Variants in COX18 observed in about 807,000 individuals in gnomAD.
COX18 encodes the protein cytochrome c oxidase assembly factor COX18, also known as cytochrome c oxidase assembly protein COX18, mitochondrial.
In COX18, 45 loss-of-function variants were observed where a neutral mutation model predicts 38.0. The ratio of observed to expected loss-of-function variants is 1.18; its 90% confidence interval spans 0.93 to 1.52. COX18 has a LOEUF of 1.52. Ranked by LOEUF, COX18 falls within the 40% of genes most tolerant of loss-of-function variation. The pLI, the probability that COX18 is intolerant of heterozygous loss-of-function variation, is 0.00. For synonymous variants in COX18, 177 were observed against 169.8 expected (o/e 1.04, Z -0.33); for missense variants, 462 against 423.8 (o/e 1.09, Z -0.79).
At chr4:73,064,724 G>A in intron 4 of COX18, 54 bp downstream of exon 4, 1 of 1,589,470 alleles carries the variant, frequency 6.3e-7, no homozygotes, top group Non-Finnish European at 8.6e-7. Context: ...AGTCAAAACA[G>A]CAGCAACAAA....
chr4:73,068,247 G>T (rs1405278647), intron 1 of COX18, 118 bp from the exon 2 acceptor site: 1 of 639,282 alleles, frequency 1.6e-6, no homozygotes, highest in Non-Finnish European at 2.6e-6. Flanking sequence ...ATCATATCAA[G>T]AAATCTTAAT....
At position 73,056,666 on chromosome 4, in the gene COX18, G is replaced by C. The variant is rs922046258; in HGVS notation, c.*1448C>G. 6.6e-6 allele frequency: 1 copy of C among 152,074 alleles called. No homozygotes were observed. The highest frequency in any genetic ancestry group is 2.4e-5 in the African/African-American group (1 of 41,400). 9.4% of individuals were successfully genotyped at this position (152,074 alleles called of 1,614,324 possible). A position where few individuals can be genotyped will look rare whatever the true frequency, so the allele number is the denominator to read the frequency against. The stretch of plus-strand genomic sequence containing the variant: ...CTCAAGATCAATGTATGTTCCATTA[G>C]AATAAGATTTATTAACTAGGAATTG... On this transcript the variant is annotated 3_prime_UTR_variant, in exon 6 of 6. Coordinates refer to ENST00000507544, the MANE Select transcript of COX18 (RefSeq NM_001297732.2).
rs749038611 is a variant in COX18, at chr4:73,068,052, C to A, written c.411G>T (p.Leu137Phe). 61 of 1,610,540 alleles carry A rather than the reference C, an allele frequency of 3.8e-5. No homozygotes were observed. The highest frequency in any genetic ancestry group is 5.1e-5 in the Non-Finnish European group (60 of 1,178,732). The change falls in exon 2 of 6, where the codon TTG becomes TTT. Residue 137 changes from leucine (L) to phenylalanine (F), a missense_variant. Physicochemically the swap from Leu to Phe is conservative, Grantham distance 22. Coordinates refer to ENST00000507544, the MANE Select transcript of COX18 (RefSeq NM_001297732.2). ...ACCTGGCATCTCTTTTGGACCACCCCAACTGATTTGCACGAACTGCAACTT... is the reference window on the plus strand; with the variant it reads ...ACCTGGCATCTCTTTTGGACCACCCAAACTGATTTGCACGAACTGCAACTT... The part of the protein sequence containing the change: ...NQEVAVRANQ[L>F]GWSKRDARLT...
In COX18 at chr4:73,055,721, A is replaced by G. The variant is rs973087654; in HGVS notation, c.*2393T>C. 1 of 152,224 alleles carries G rather than the reference A, an allele frequency of 6.6e-6. No individual in the cohort carries two copies. Among genetic ancestry groups the G allele is most frequent in the African/African-American group, 2.4e-5 (1 of 41,474 alleles). The allele number at this position is 152,224 out of a possible 1,614,324, so 9.4% of individuals were successfully genotyped here. On this transcript the variant is annotated 3_prime_UTR_variant, in exon 6 of 6. Coordinates refer to ENST00000507544, the MANE Select transcript of COX18 (RefSeq NM_001297732.2). ...TCACTTCTGTTGGGAGGTGACTCAC[A>G]TTTTTGCCTACAAATGGCTCAAAAG... is the stretch of plus-strand genomic sequence containing the variant.
rs1253513728 is a variant in COX18, at chr4:73,064,627, G to A, written c.723+151C>T. 2.8e-5 allele frequency: 23 copies of A among 809,418 alleles called. No homozygotes were observed. In the South Asian group the frequency reaches 3.9e-4, roughly 14 times the overall value. 50.1% of individuals were successfully genotyped at this position (809,418 alleles called of 1,614,324 possible). On this transcript the variant is annotated intron_variant, in intron 4 of 5. Coordinates refer to ENST00000507544, the MANE Select transcript of COX18 (RefSeq NM_001297732.2). ...CAGAGAGGTTAAGGGACAGGCCTAA[G>A]CCAATGCCTGACGTGGAACCAGGAA...
rs769634143 is a variant in COX18, at chr4:73,064,253, C to CAA, written c.723+523_723+524dup. On this transcript the variant is annotated intron_variant, in intron 4 of 5. Coordinates refer to ENST00000507544, the MANE Select transcript of COX18 (RefSeq NM_001297732.2). The stretch of plus-strand genomic sequence containing the variant: ...GGGCAACAAGAGCAAAACTCCATCT[C>CAA]AAAAAAAAAAGAAAAAAAAAGACAT... Among the ~76,000 whole-genome samples, 23 of 146,824 alleles carry CAA rather than the reference C, an allele frequency of 1.6e-4. 1 individual carries two copies. The highest frequency in any genetic ancestry group is 5.8e-4 in the African/African-American group (23 of 39,846).
At position 73,068,009 on chromosome 4, in the gene COX18, C is replaced by A; in HGVS notation, c.434+20G>T. ...GTGTGTATGTGTGCGTATGGTCTTA[C>A]GTGGATATAATTAGCTTACCTGGCA... On this transcript the variant is annotated intron_variant, in intron 2 of 5. Transcript: ENST00000507544. The A allele has an allele frequency of 6.8e-7, 1 of 1,468,884 alleles. No homozygotes were observed. The highest frequency in any genetic ancestry group is 2.3e-5 in the East Asian group (1 of 42,874). The allele number at this position is 1,468,884 out of a possible 1,614,324, so 91.0% of individuals were successfully genotyped here.
chr4:73,064,639 C>A (rs752065001), intron 4 of COX18, 139 bp downstream of exon 4: 10 of 942,640 alleles, frequency 1.1e-5, no homozygotes, highest in Non-Finnish European at 1.6e-5. Flanking sequence ...CAATGCCTGA[C>A]GTGGAACCAG....
rs1043052575 is a variant in COX18, at chr4:73,056,000, T to C, written c.*2114A>G. 1.3e-5 allele frequency: 2 copies of C among 152,174 alleles called. No individual in the cohort carries two copies. The highest frequency in any genetic ancestry group is 4.8e-5 in the African/African-American group (2 of 41,438). 9.4% of individuals were successfully genotyped at this position (152,174 alleles called of 1,614,324 possible). A position where few individuals can be genotyped will look rare whatever the true frequency, so the allele number is the denominator to read the frequency against. ...AATTCTTACCTCTGTATGCTGTACA[T>C]TTTTTCTATTAAAAAATGTCATAAC... On this transcript the variant is annotated 3_prime_UTR_variant, in exon 6 of 6. Transcript: ENST00000507544.
intron 5 of COX18, 32 bp downstream of exon 5, chr4:73,061,780 CA>C (rs1560471405): frequency 8.3e-7 from 1 of 1,208,258 alleles, no homozygotes; most frequent in East Asian, 2.4e-5. Context: ...GAGGATTTAG[CA>C]CATGCTACAC....
chr4:73,069,059 C>G (rs1000220295), intron 1 of COX18, among the ~76,000 whole-genome samples: 1 of 152,208 alleles, frequency 6.6e-6, no homozygotes, highest in African/African-American at 2.4e-5. Context: ...GTATAGTAAC[C>G]ACTTGTGCTT....
intron 1 of COX18, 96 bp downstream of exon 1, chr4:73,069,221 G>A (rs1370269825): frequency 1.1e-6 from 1 of 885,610 alleles, no homozygotes; most frequent in Admixed American, 2.9e-5. Flanking sequence ...ACTGCAGAAG[G>A]CAACATCGTG....
At chr4:73,060,202 A>G (rs946400837) in intron 5 of COX18, among the ~76,000 whole-genome samples, 4 of 152,192 alleles carry the variant, frequency 2.6e-5, no homozygotes, top group African/African-American at 9.6e-5. Flanking sequence ...CAGATTTCCT[A>G]TAATTGACAG....
chr4:73,063,312 A>AAAAC (rs142907172), intron 4 of COX18, among the ~76,000 whole-genome samples: 13,942 of 151,972 alleles, frequency 0.092, 2,027 homozygotes, highest in African/African-American at 0.31. Flanking sequence ...TCTCAAGAAA[A>AAAAC]AAACAAACAA....
chr4:73,062,291 G>C (rs1237929933), intron 4 of COX18, among the ~76,000 whole-genome samples: 3 of 151,940 alleles, frequency 2.0e-5, no homozygotes, highest in Non-Finnish European at 4.4e-5. Context: ...CCAGAAGTTT[G>C]AGGCTACAGT....
intron 4 of COX18, among the ~76,000 whole-genome samples, chr4:73,062,392 T>C (rs548088191): frequency 2.6e-5 from 4 of 151,778 alleles, no homozygotes; most frequent in Non-Finnish European, 2.9e-5. Flanking sequence ...AAACACTAAT[T>C]ATGTCAAATT....
intron 5 of COX18, 38 bp downstream of exon 5, chr4:73,061,775 T>G: frequency 8.4e-7 from 1 of 1,196,226 alleles, no homozygotes; most frequent in East Asian, 2.4e-5. Flanking sequence ...TCAGAGAGGA[T>G]TTAGCACATG....
rs1335280452 is a variant in COX18, at chr4:73,058,262, G to A, written c.857C>T (p.Ser286Phe). The part of the protein sequence containing the change: ...PSSIVLYWLC[S>F]SFVGLSQNLL... ...ATTCTGTGAAAGGCCCACGAAGCTG[G>A]AGCATAACCAGTAGAGAACAATTGA... The change falls in exon 6 of 6, where the codon TCC (serine) becomes TTC (phenylalanine). Residue 286 changes from serine (S) to phenylalanine (F), a missense_variant. Transcript: ENST00000507544. 12 of 1,612,398 alleles carry A rather than the reference G, an allele frequency of 7.4e-6. No homozygotes were observed. Among genetic ancestry groups the A allele is most frequent in the South Asian group, 4.4e-5 (4 of 90,644 alleles).
At chr4:73,068,974 G>T (rs1560477598) in intron 1 of COX18, among the ~76,000 whole-genome samples, 1 of 152,188 alleles carries the variant, frequency 6.6e-6, no homozygotes, top group African/African-American at 2.4e-5. Context: ...AAACTTTTAA[G>T]ACATAAATTT....
Sources: allele counts gnomAD v4.1 joint callset (sites outside exome capture counted in the v4.1 genomes callset), GRCh38; gene constraint gnomAD v4.1.1; transcripts MANE v1.5; gene names NCBI Gene and HGNC (gene_info 2026-07-23, HGNC 2026-07-21).